Variants in NRDC observed in about 807,000 individuals in gnomAD.
NRDC encodes the protein nardilysin.
A neutral mutation model predicts 147.1 loss-of-function variants in NRDC; 54 were observed. The ratio of observed to expected loss-of-function variants is 0.37; its 90% CI spans 0.29 to 0.46. NRDC has a LOEUF of 0.46. NRDC is among the 20% of genes least tolerant of loss of function. The pLI, the probability that NRDC is intolerant of heterozygous loss-of-function variation, is 1.00. For missense variants in NRDC, 1,082 were observed against 1,370.6 expected (o/e 0.79, Z 3.33); for synonymous variants, 440 against 482.1 (o/e 0.91, Z 1.14).
At chr1:51,875,485 T>C (rs1211366686) in intron 1 of NRDC, among the ~76,000 whole-genome samples, 1 of 152,238 alleles carries the variant, frequency 6.6e-6, no homozygotes, top group Non-Finnish European at 1.5e-5. Context: ...CGGTGGAATT[T>C]ATCAATGTAT....
chr1:51,846,305 G>A (rs1681579395), intron 1 of NRDC, among the ~76,000 whole-genome samples: 4 of 152,036 alleles, frequency 2.6e-5, no homozygotes, highest in South Asian at 2.1e-4. Context: ...TAGAGACGGG[G>A]TTTTCACCAT....
At chr1:51,804,750 C>T (rs1412162561) in intron 19 of NRDC, among the ~76,000 whole-genome samples, 1 of 151,868 alleles carries the variant, frequency 6.6e-6, no homozygotes, top group Non-Finnish European at 1.5e-5. Flanking sequence ...ACACATTTCC[C>T]AAGTATCTCC....
intron 1 of NRDC, among the ~76,000 whole-genome samples, chr1:51,843,669 T>C (rs1681386559): frequency 6.6e-6 from 1 of 152,168 alleles, no homozygotes; most frequent in African/African-American, 2.4e-5. Context: ...AATAATAACT[T>C]ATGAGGGTTG....
chr1:51,797,010 C>A (rs1678957529), intron 22 of NRDC, among the ~76,000 whole-genome samples: 1 of 151,554 alleles, frequency 6.6e-6, no homozygotes, highest in African/African-American at 2.4e-5. Context: ...ACCATCCTGG[C>A]CAACACGGTG....
chr1:51,814,155 G>T, intron 13 of NRDC, 66 bp from the exon 14 acceptor site: 1 of 963,994 alleles, frequency 1.0e-6, no homozygotes. Flanking sequence ...GGAGAAGGGC[G>T]GGAGGAGGGA....
At chr1:51,809,775 G>A (rs1679627780) in intron 16 of NRDC, among the ~76,000 whole-genome samples, 1 of 152,088 alleles carries the variant, frequency 6.6e-6, no homozygotes, top group Non-Finnish European at 1.5e-5. Flanking sequence ...GGTGGCATAT[G>A]CCTGTAATCC....
chr1:51,841,314 T>TC (rs1173735353), intron 1 of NRDC, among the ~76,000 whole-genome samples: 1 of 152,184 alleles, frequency 6.6e-6, no homozygotes, highest in Non-Finnish European at 1.5e-5. Context: ...ATTTTTTTTT[T>TC]CCTTTTTCTT....
chr1:51,789,491 A>T, intron 30 of NRDC, 58 bp from the exon 31 acceptor site: 1 of 1,599,512 alleles, frequency 6.3e-7, no homozygotes, highest in Non-Finnish European at 8.6e-7. Flanking sequence ...GGGGTTTAAG[A>T]GTTCTGATGA....
At chr1:51,796,983 G>A (rs1299327791) in intron 22 of NRDC, among the ~76,000 whole-genome samples, 2 of 151,404 alleles carry the variant, frequency 1.3e-5, no homozygotes, top group African/African-American at 2.4e-5. Flanking sequence ...GGCAGATCAC[G>A]AGGTCAGGAG....
chr1:51,851,104 G>C (rs1459559372), intron 1 of NRDC, among the ~76,000 whole-genome samples: 1 of 152,096 alleles, frequency 6.6e-6, no homozygotes, highest in Admixed American at 6.5e-5. Flanking sequence ...CCGTGTATTT[G>C]GCAGGCAATC....
At chr1:51,791,734 G>T in intron 26 of NRDC, 73 bp from the exon 27 acceptor site, 2 of 1,251,956 alleles carry the variant, frequency 1.6e-6, no homozygotes, top group South Asian at 1.2e-5. Context: ...CACTAGATAG[G>T]AGTGGGAAAA....
chr1:51,830,067 C>A (rs952339702), intron 4 of NRDC, among the ~76,000 whole-genome samples: 1 of 150,084 alleles, frequency 6.7e-6, no homozygotes, highest in South Asian at 2.1e-4. Context: ...CACGTTCAAG[C>A]GATTCTCCTG....
At chr1:51,852,990 G>A (rs1254056020) in intron 1 of NRDC, among the ~76,000 whole-genome samples, 1 of 152,002 alleles carries the variant, frequency 6.6e-6, no homozygotes, top group African/African-American at 2.4e-5. Context: ...TTGGGAGGCC[G>A]AGGCGGGTAG....
In NRDC at chr1:51,862,773, C is replaced by T. The variant is rs1409371370; in HGVS notation, c.341+15502G>A. 3.3e-5 allele frequency among the ~76,000 whole-genome samples: 5 copies of T among 151,190 alleles called. No homozygotes were observed. In the East Asian group the frequency reaches 5.9e-4, roughly 18 times the overall value. On this transcript the variant is annotated intron_variant, in intron 1 of 30. Transcript: ENST00000352171. ...GCTCATGCCTGTAATCCCAGCACTT[C>T]GGGAGGCCAAGGCAAGCAGATCACA...
At position 51,790,556 on chromosome 1, in the gene NRDC, G is replaced by C. The variant is rs1420950066; in HGVS notation, c.3145C>G (p.Leu1049Val). ...ACCTCGTGGGCAAGGCGGTCAAAGA[G>C]GTACTGCTGTGTAACCACTTCATTC... ...NWNEVVTQQY[L>V]FDRLAHEIEA... is the part of the protein sequence containing the mutation. Residue 1049 changes from leucine (L) to valine (V), a missense_variant, in exon 29 of 31, where the codon CTC becomes GTC. Around this residue, in one of 3 missense-constraint regions of NRDC, gnomAD observed 187 missense variants for 193.6 expected, o/e 0.97. Transcript: ENST00000352171. 1 of 1,613,250 alleles carries C rather than the reference G, an allele frequency of 6.2e-7. No homozygotes were observed. Among genetic ancestry groups the C allele is most frequent in the Non-Finnish European group, 8.5e-7 (1 of 1,179,308 alleles).
chr1:51,818,011 T>A, intron 10 of NRDC, 55 bp downstream of exon 10: 1 of 1,354,058 alleles, frequency 7.4e-7, no homozygotes, highest in East Asian at 2.3e-5. Context: ...TTAGCATGCT[T>A]TAAAAATTAC....
Position 51,840,258 on chromosome 1 carries a change from C to T in NRDC, c.598G>A (p.Ala200Thr), listed in dbSNP as rs1681200542. 6 of 1,604,344 alleles carry T rather than the reference C, an allele frequency of 3.7e-6. No individual in the cohort carries two copies. The highest frequency in any genetic ancestry group is 5.1e-6 in the Non-Finnish European group (6 of 1,176,218). The change falls in exon 2 of 31, where the codon GCA becomes ACA. Residue 200 changes from alanine (A) to threonine (T), a missense_variant. Ala to Thr is a moderately conservative substitution (Grantham distance 58). Coordinates refer to ENST00000352171, the MANE Select transcript of NRDC (RefSeq NM_001101662.2). ...TCAGTAGTTTTTTTTCTAGCTTCTGCTCTCTCTTCTAATTCTTCCAATTCA... is the reference window on the plus strand; with the variant it reads ...TCAGTAGTTTTTTTTCTAGCTTCTGTTCTCTCTTCTAATTCTTCCAATTCA... ...DNELEELEER[A>T]EARKKTTEKQ...
At chr1:51,798,983 T>C (rs562004536) in intron 21 of NRDC, 3 of 152,206 alleles carry the variant, frequency 2.0e-5, no homozygotes, top group African/African-American at 4.8e-5. Flanking sequence ...TTGGATAGAA[T>C]TGAATTAATG....
At position 51,811,993 on chromosome 1, in the gene NRDC, C is replaced by T. The variant is rs745998546; in HGVS notation, c.1779+1G>A. The T allele has an allele frequency of 6.2e-7, 1 of 1,607,618 alleles. No homozygotes were observed. The highest frequency in any genetic ancestry group is 8.5e-7 in the Non-Finnish European group (1 of 1,174,126). ...AGTTTTAGACGTATAAACCTCCTTACTTCTGGCTTGTATTCAAAAAGAAGC... is the reference window on the plus strand; with the variant it reads ...AGTTTTAGACGTATAAACCTCCTTATTTCTGGCTTGTATTCAAAAAGAAGC... On this transcript the variant is annotated splice_donor_variant, in intron 15 of 30. Coordinates refer to ENST00000352171, the MANE Select transcript of NRDC (RefSeq NM_001101662.2). LOFTEE classifies it high-confidence loss of function.
Sources: gnomAD v4.1 joint callset for allele counts (sites outside exome capture counted in the v4.1 genomes callset) on GRCh38, gnomAD v4.1.1 for gene constraint, gnomAD v4.1.1 regional missense constraint, MANE v1.5 for transcripts, NCBI Gene and HGNC (gene_info 2026-07-23, HGNC 2026-07-21) for gene names.